CXCL13: variants seen among roughly 807,000 people sequenced by gnomAD.
CXCL13 encodes C-X-C motif chemokine 13.
Under a neutral mutation model 12.2 loss-of-function variants are expected in CXCL13, and 7 were observed. The ratio of observed to expected loss-of-function variants is 0.57; its 90% CI spans 0.33 to 1.07. The LOEUF (loss-of-function observed/expected upper bound fraction) is 1.07. Among genes scored for constraint, CXCL13 ranks in the 50% least tolerant of loss-of-function variants. CXCL13 has a pLI of 0.04. For synonymous variants in CXCL13, 47 were observed against 42.4 expected (o/e 1.11, Z -0.42); for missense variants, 113 against 127.4 (o/e 0.89, Z 0.55).
chr4:77,518,628 C>G (rs1724492970), intron 1 of CXCL13, among the ~76,000 whole-genome samples: 1 of 152,196 alleles, frequency 6.6e-6, no homozygotes, highest in South Asian at 2.1e-4. Flanking sequence ...GTTCTCGAGC[C>G]TTGGCTTTCA....
rs140425121 is a variant in CXCL13, at chr4:77,584,674, T to C, written c.-42-21150T>C. Among the ~76,000 whole-genome samples, 753 of 152,152 alleles carry C rather than the reference T, an allele frequency of 4.9e-3. 3 individuals carry two copies. The highest frequency in any genetic ancestry group is 0.014 in the Middle Eastern group (4 of 294). On this transcript the variant is annotated intron_variant, in intron 1 of 4. Coordinates refer to the CXCL13 transcript ENST00000286758. ...GTGAGCTGAGTTGGGAGAAGGAGCA[T>C]GATGATCAGCCCAGAAGATCCAGTG... is the stretch of plus-strand genomic sequence containing the variant.
intron 1 of CXCL13, among the ~76,000 whole-genome samples, chr4:77,522,116 T>A (rs984819697): frequency 9.9e-5 from 15 of 152,108 alleles, no homozygotes; most frequent in Non-Finnish European, 1.9e-4. Flanking sequence ...TGCTGAGGAG[T>A]GCTTTACTTC....
intron 1 of CXCL13, among the ~76,000 whole-genome samples, chr4:77,521,775 C>T (rs898989144): frequency 7.9e-5 from 12 of 151,890 alleles, no homozygotes; most frequent in Non-Finnish European, 1.2e-4. Context: ...TTTGCTCTTG[C>T]TTCTCTAGTT....
chr4:77,541,792 T>A (rs1725211930), intron 1 of CXCL13, among the ~76,000 whole-genome samples: 1 of 152,224 alleles, frequency 6.6e-6, no homozygotes, highest in Admixed American at 6.5e-5. Flanking sequence ...ATTGAATCTG[T>A]ACATTGCTTT....
At chr4:77,532,875 A>C (rs1461430898) in intron 1 of CXCL13, among the ~76,000 whole-genome samples, 1 of 152,072 alleles carries the variant, frequency 6.6e-6, no homozygotes, top group African/African-American at 2.4e-5. Context: ...TGTAGTTCTC[A>C]TGCCTTGGTT....
chr4:77,570,776 C>T (rs536075575), intron 1 of CXCL13, among the ~76,000 whole-genome samples: 4 of 149,586 alleles, frequency 2.7e-5, no homozygotes, highest in Admixed American at 1.3e-4. Flanking sequence ...CCGGCCCTGC[C>T]GGCCCTGGGC....
At chr4:77,533,131 T>A (rs889216757) in intron 1 of CXCL13, among the ~76,000 whole-genome samples, 1 of 152,174 alleles carries the variant, frequency 6.6e-6, no homozygotes, top group Non-Finnish European at 1.5e-5. Flanking sequence ...AGTTTCCAGT[T>A]TTTCTGCTCT....
At chr4:77,531,118 TA>T (rs1724905232) in intron 1 of CXCL13, among the ~76,000 whole-genome samples, 1 of 148,140 alleles carries the variant, frequency 6.8e-6, no homozygotes, top group East Asian at 1.9e-4. Context: ...TTATTATTAT[TA>T]TTATTATTAT....
At chr4:77,550,665 C>G (rs1193173981) in intron 1 of CXCL13, among the ~76,000 whole-genome samples, 1 of 152,180 alleles carries the variant, frequency 6.6e-6, no homozygotes, top group Non-Finnish European at 1.5e-5. Context: ...TTCACAATTT[C>G]TCCGTTAGTT....
Position 77,518,776 on chromosome 4 carries a change from C to G in CXCL13, c.-43+6988C>G, listed in dbSNP as rs182747685. ...TAGCTCATAGTTTGATTGTCTGAAG[C>G]CTTCTTCTCTCAACTCTTCAAAGTC... On this transcript the variant is annotated intron_variant, in intron 1 of 4. Transcript: ENST00000286758. Among the ~76,000 whole-genome samples, 5 of 152,300 alleles carry G rather than the reference C, an allele frequency of 3.3e-5. No homozygotes were observed. In the East Asian group the frequency reaches 7.7e-4, roughly 24 times the overall value.
intron 1 of CXCL13, among the ~76,000 whole-genome samples, chr4:77,544,896 T>C (rs1482190178): frequency 6.6e-6 from 1 of 152,234 alleles, no homozygotes; most frequent in African/African-American, 2.4e-5. Flanking sequence ...CATGCAAGTC[T>C]TTAATCCATC....
intron 1 of CXCL13, among the ~76,000 whole-genome samples, chr4:77,534,284 A>G (rs1382387902): frequency 6.6e-6 from 1 of 152,122 alleles, no homozygotes; most frequent in East Asian, 1.9e-4. Flanking sequence ...TCACACAAAA[A>G]CCTGCACATG....
chr4:77,554,683 G>C (rs912757199), intron 1 of CXCL13, among the ~76,000 whole-genome samples: 1 of 151,964 alleles, frequency 6.6e-6, no homozygotes, highest in African/African-American at 2.4e-5. Flanking sequence ...ACTCATCAAG[G>C]CAACATATAT....
At chr4:77,574,834 A>G (rs1230303052) in intron 1 of CXCL13, among the ~76,000 whole-genome samples, 1 of 151,938 alleles carries the variant, frequency 6.6e-6, no homozygotes, top group Non-Finnish European at 1.5e-5. Context: ...CTTGGATCAA[A>G]TATTTTTTAA....
chr4:77,540,939 G>A (rs1292381132), intron 1 of CXCL13, among the ~76,000 whole-genome samples: 1 of 151,958 alleles, frequency 6.6e-6, no homozygotes, highest in African/African-American at 2.4e-5. Flanking sequence ...ACTTTTAATA[G>A]CAGCCATTCT....
chr4:77,568,536 G>A (rs1314902018), intron 1 of CXCL13, among the ~76,000 whole-genome samples: 1 of 152,172 alleles, frequency 6.6e-6, no homozygotes, highest in Non-Finnish European at 1.5e-5. Flanking sequence ...GTTTAAGGAA[G>A]GATGCTTTCT....
chr4:77,609,823 CAGAT>C (rs1251099147), intron 2 of CXCL13, among the ~76,000 whole-genome samples: 4 of 152,188 alleles, frequency 2.6e-5, no homozygotes, highest in Non-Finnish European at 5.9e-5. Context: ...GCTCTGGAGT[CAGAT>C]AATCTTCATT....
intron 1 of CXCL13, among the ~76,000 whole-genome samples, chr4:77,529,917 A>G (rs1724863656): frequency 6.6e-6 from 1 of 152,214 alleles, no homozygotes; most frequent in African/African-American, 2.4e-5. Context: ...TGAGTTTGTC[A>G]TAAATAGCTC....
intron 1 of CXCL13, among the ~76,000 whole-genome samples, chr4:77,587,239 T>C (rs1726495950): frequency 6.6e-6 from 1 of 152,204 alleles, no homozygotes; most frequent in Admixed American, 6.5e-5. Flanking sequence ...TTCCCTTTGG[T>C]TAACTGAAGA....
Sources: allele counts gnomAD v4.1 joint callset (sites outside exome capture counted in the v4.1 genomes callset), GRCh38; gene constraint gnomAD v4.1.1; transcripts MANE v1.5; gene names NCBI Gene and HGNC (gene_info 2026-07-23, HGNC 2026-07-21).